The following ANKRD31 variants were observed in gnomAD, a reference collection of about 807,000 sequenced individuals.
ANKRD31 encodes the protein ankyrin repeat domain 31.
Under a neutral mutation model 186.0 loss-of-function variants are expected in ANKRD31, and 147 were observed. The observed-to-expected ratio is 0.79, with a 90% CI of 0.69 to 0.91. ANKRD31 has a LOEUF of 0.91. Ranked by LOEUF, ANKRD31 falls within the 40% of genes least tolerant of loss-of-function variation. The probability of loss-of-function intolerance (pLI) is 0.00; values close to 1 mark genes in which losing one functional copy is unlikely to be tolerated. For synonymous variants in ANKRD31, 673 were observed against 736.4 expected (o/e 0.91, Z 1.39); for missense variants, 1,986 against 2,148.8 (o/e 0.92, Z 1.50).
At chr5:75,159,515 C>G (rs2150169786) in intron 11 of ANKRD31, among the ~76,000 whole-genome samples, 1 of 151,986 alleles carries the variant, frequency 6.6e-6, no homozygotes, top group South Asian at 2.1e-4. Flanking sequence ...TAGATAAGAA[C>G]CCCAATAAAA....
Position 75,073,188 on chromosome 5 carries a change from T to C in ANKRD31, c.5648-4524A>G, listed in dbSNP as rs537306080. On this transcript the variant is annotated intron_variant, in intron 25 of 25. Coordinates refer to ENST00000506364, the MANE Select transcript of ANKRD31 (RefSeq NM_001372053.1). ...GGCTCAAGCCTATAATCCAAGCTACTTGGGAGGCTGAGATGGGAGGATCAC... is the reference window on the plus strand; with the variant it reads ...GGCTCAAGCCTATAATCCAAGCTACCTGGGAGGCTGAGATGGGAGGATCAC... 3.3e-5 allele frequency among the ~76,000 whole-genome samples: 5 copies of C among 152,126 alleles called. No homozygotes were observed. In the South Asian group the frequency reaches 8.3e-4, roughly 25 times the overall value.
At chr5:75,174,703 T>A (rs1336105568) in intron 10 of ANKRD31, among the ~76,000 whole-genome samples, 1 of 152,142 alleles carries the variant, frequency 6.6e-6, no homozygotes, top group Non-Finnish European at 1.5e-5. Flanking sequence ...CCAGTTAGAA[T>A]GCGATCATTA....
intron 10 of ANKRD31, among the ~76,000 whole-genome samples, chr5:75,187,110 T>TGTGTGTG (rs1754781261): frequency 8.6e-6 from 1 of 116,186 alleles, no homozygotes; most frequent in Non-Finnish European, 1.7e-5. Flanking sequence ...TGATTCTGTT[T>TGTGTGTG]TGTGTGTGTG....
At chr5:75,145,957 T>C in intron 14 of ANKRD31, 30 bp downstream of exon 14, 1 of 1,384,092 alleles carries the variant, frequency 7.2e-7, no homozygotes, top group South Asian at 1.6e-5. Context: ...CTATAGGAAA[T>C]ATGTACAGAT....
In ANKRD31 at chr5:75,108,139, T is replaced by C. The variant is rs1207156416; in HGVS notation, c.4244-522A>G. 2.0e-5 allele frequency among the ~76,000 whole-genome samples: 3 copies of C among 151,914 alleles called. No individual in the cohort carries two copies. The East Asian group carries it at 5.8e-4, about 29-fold the overall frequency. On this transcript the variant is annotated intron_variant, in intron 20 of 25. Transcript: ENST00000506364. ...TAGGGGTATGTATGTTTGTAAAATT[T>C]GTGTTATATATTTATTATTTTAAAT... is the stretch of plus-strand genomic sequence containing the variant.
chr5:75,121,381 C>T (rs1748777368), intron 17 of ANKRD31, among the ~76,000 whole-genome samples: 1 of 152,086 alleles, frequency 6.6e-6, no homozygotes, highest in Non-Finnish European at 1.5e-5. Flanking sequence ...ACATCCGAGT[C>T]ACAGCACTAG....
intron 10 of ANKRD31, among the ~76,000 whole-genome samples, chr5:75,176,218 G>A (rs1360306782): frequency 6.6e-6 from 1 of 152,184 alleles, no homozygotes; most frequent in Non-Finnish European, 1.5e-5. Context: ...GCTTGAGTAG[G>A]TTAACAAAGC....
intron 1 of ANKRD31, among the ~76,000 whole-genome samples, chr5:75,231,224 C>G (rs539249313): frequency 1.3e-5 from 2 of 151,816 alleles, no homozygotes; most frequent in Non-Finnish European, 2.9e-5. Flanking sequence ...TGTGCACCAC[C>G]ATGCCTGGCT....
chr5:75,086,418 A>G (rs1229358860), intron 23 of ANKRD31, among the ~76,000 whole-genome samples: 1 of 152,226 alleles, frequency 6.6e-6, no homozygotes, highest in Non-Finnish European at 1.5e-5. Flanking sequence ...TGGCTAAAGC[A>G]TAAGGGCAGT....
intron 12 of ANKRD31, among the ~76,000 whole-genome samples, chr5:75,151,129 T>C (rs1024738593): frequency 2.0e-5 from 3 of 152,046 alleles, no homozygotes; most frequent in Non-Finnish European, 4.4e-5. Flanking sequence ...TGATCAAGTA[T>C]ATGATTTATA....
intron 1 of ANKRD31, among the ~76,000 whole-genome samples, chr5:75,232,152 T>A (rs1007435073): frequency 2.6e-5 from 4 of 152,248 alleles, no homozygotes; most frequent in South Asian, 2.1e-4. Context: ...ATAGCTATAG[T>A]GCATTTTTCC....
intron 20 of ANKRD31, among the ~76,000 whole-genome samples, chr5:75,108,618 T>C (rs898812503): frequency 3.3e-5 from 5 of 152,148 alleles, no homozygotes; most frequent in Admixed American, 1.3e-4. Flanking sequence ...GAAAATGACA[T>C]GAAGTTCAGA....
chr5:75,178,161 A>G (rs1753971552), intron 10 of ANKRD31, among the ~76,000 whole-genome samples: 1 of 152,222 alleles, frequency 6.6e-6, no homozygotes, highest in African/African-American at 2.4e-5. Flanking sequence ...TGGTAAAGTG[A>G]TCAATTCAAC....
At chr5:75,079,457 C>A (rs1744914268) in intron 25 of ANKRD31, among the ~76,000 whole-genome samples, 1 of 149,254 alleles carries the variant, frequency 6.7e-6, no homozygotes, top group Non-Finnish European at 1.5e-5. Flanking sequence ...AATGTGAAAG[C>A]CACCACTCTT....
intron 19 of ANKRD31, among the ~76,000 whole-genome samples, chr5:75,115,463 G>A (rs950212459): frequency 1.7e-4 from 26 of 151,790 alleles, no homozygotes; most frequent in Non-Finnish European, 3.4e-4. Context: ...CCATCAGAGT[G>A]AACAGGCAAC....
intron 17 of ANKRD31, among the ~76,000 whole-genome samples, chr5:75,123,628 C>A (rs1341563891): frequency 1.3e-5 from 2 of 151,900 alleles, no homozygotes; most frequent in Non-Finnish European, 2.9e-5. Flanking sequence ...GAATAGAGAA[C>A]CCAAAAATAA....
Position 75,145,984 on chromosome 5 carries a change from T to A in ANKRD31, c.3424+3A>T. 1 of 1,465,674 alleles carries A rather than the reference T, an allele frequency of 6.8e-7. No homozygotes were observed. The allele number at this position is 1,465,674 out of a possible 1,614,324, so 90.8% of individuals were successfully genotyped here. On this transcript the variant is annotated splice_donor_region_variant and intron_variant, in intron 14 of 25. Coordinates refer to ENST00000506364, the MANE Select transcript of ANKRD31 (RefSeq NM_001372053.1). ...TGTACAGATTAAGCAATATTACTAA[T>A]ACCTGGTTTGTGAGAAATTTCCTTC...
intron 11 of ANKRD31, among the ~76,000 whole-genome samples, chr5:75,160,812 T>C (rs1752524540): frequency 6.6e-6 from 1 of 152,186 alleles, no homozygotes. Context: ...CTCATGGTAA[T>C]GAATAAGTCT....
chr5:75,146,344 T>C lies in ANKRD31; in HGVS notation c.3067A>G (p.Lys1023Glu). 7.2e-6 allele frequency: 11 copies of C among 1,536,610 alleles called. No individual in the cohort carries two copies. The highest frequency in any genetic ancestry group is 8.7e-6 in the Non-Finnish European group (10 of 1,146,520). Reference protein sequence around the residue: ...MRTLLTHEASKLTNHVELFKK... With the variant: ...MRTLLTHEASELTNHVELFKK... ...AATAGCTCCACATGATTAGTCAACT[T>C]TGAAGCCTCATGTGTCAAAAGTGTT... The change falls in exon 14 of 26, where the codon AAG becomes GAG. Residue 1023 changes from lysine to glutamate, a missense_variant. Physicochemically the swap from Lys to Glu is moderately conservative, Grantham distance 56. Coordinates refer to ENST00000506364, the MANE Select transcript of ANKRD31 (RefSeq NM_001372053.1).
Sources: gnomAD v4.1 joint callset for allele counts (sites outside exome capture counted in the v4.1 genomes callset) on GRCh38, gnomAD v4.1.1 for gene constraint, MANE v1.5 for transcripts, NCBI Gene and HGNC (gene_info 2026-07-23, HGNC 2026-07-21) for gene names.